Variants in KIAA1328 observed in about 807,000 individuals in gnomAD.
The protein encoded by KIAA1328 is protein hinderin.
KIAA1328 carries 52 observed loss-of-function variants against 68.1 expected under a neutral mutation model. The ratio of observed to expected loss-of-function variants is 0.76; its 90% CI spans 0.61 to 0.96. The LOEUF is 0.96. Ranked by LOEUF, KIAA1328 falls within the 40% of genes least tolerant of loss-of-function variation. The pLI is 0.00. For synonymous variants in KIAA1328, 232 were observed against 239.4 expected, an observed-to-expected ratio of 0.97 and a Z score of 0.28; for missense variants, 641 against 677.6, an observed-to-expected ratio of 0.95 and a Z score of 0.60.
At chr18:37,169,306 C>T (rs1369128651) in intron 8 of KIAA1328, among the ~76,000 whole-genome samples, 3 of 151,904 alleles carry the variant, frequency 2.0e-5, no homozygotes, top group African/African-American at 7.3e-5. Flanking sequence ...ACTGGGATTA[C>T]AGGTGTCTGC....
At chr18:36,858,324 T>G (rs2047447110) in intron 4 of KIAA1328, among the ~76,000 whole-genome samples, 1 of 152,216 alleles carries the variant, frequency 6.6e-6, no homozygotes, top group African/African-American at 2.4e-5. Context: ...CAGCTTTCTT[T>G]AAAATTAGCA....
intron 5 of KIAA1328, among the ~76,000 whole-genome samples, chr18:36,917,854 T>G (rs1163909319): frequency 6.6e-6 from 1 of 152,162 alleles, no homozygotes; most frequent in Non-Finnish European, 1.5e-5. Flanking sequence ...AGGCCTACAC[T>G]CAGGCAAAAA....
intron 4 of KIAA1328, among the ~76,000 whole-genome samples, chr18:36,868,330 G>A (rs1173740704): frequency 6.6e-6 from 1 of 152,164 alleles, no homozygotes; most frequent in Non-Finnish European, 1.5e-5. Flanking sequence ...GAGGTATTAG[G>A]ATAGAAAGAA....
chr18:36,870,700 T>G (rs781132820), intron 4 of KIAA1328, among the ~76,000 whole-genome samples: 5 of 152,236 alleles, frequency 3.3e-5, no homozygotes, highest in Non-Finnish European at 7.3e-5. Flanking sequence ...GGTGCAGTAT[T>G]ATTAACTAAA....
intron 4 of KIAA1328, among the ~76,000 whole-genome samples, chr18:36,860,059 T>C (rs574566150): frequency 6.6e-6 from 1 of 152,268 alleles, no homozygotes; most frequent in South Asian, 2.1e-4. Context: ...ATTTAAATGC[T>C]TAATTCTTAA....
chr18:36,965,167 T>C (rs910827145), intron 6 of KIAA1328, among the ~76,000 whole-genome samples: 1 of 152,180 alleles, frequency 6.6e-6, no homozygotes, highest in Non-Finnish European at 1.5e-5. Context: ...AGGATTTCTT[T>C]TATTTCCTTA....
At position 37,067,049 on chromosome 18, in the gene KIAA1328, T is replaced by G; in HGVS notation, c.736T>G (p.Ser246Ala). Residue 246 changes from serine (S) to alanine (A), a missense_variant, in exon 7 of 10, where the codon TCT becomes GCT. Transcript: ENST00000280020. Reference protein sequence around the residue: ...SESLIAFRNNSLKPVTLHHPK... With the variant: ...SESLIAFRNNALKPVTLHHPK... The stretch of plus-strand genomic sequence containing the variant: ...ATCCCTTATAGCATTTAGGAATAAT[T>G]CTTTGAAACCAGTAACCCTTCATCA... The G allele has an allele frequency of 6.2e-7, 1 of 1,613,984 alleles. No individual in the cohort carries two copies. Among genetic ancestry groups the G allele is most frequent in the Non-Finnish European group, 8.5e-7 (1 of 1,179,886 alleles).
intron 6 of KIAA1328, among the ~76,000 whole-genome samples, chr18:36,966,936 G>A (rs2051964317): frequency 1.3e-5 from 2 of 152,176 alleles, no homozygotes; most frequent in South Asian, 2.1e-4. Context: ...TTATATGGAA[G>A]TGCAAAGGAG....
At chr18:36,926,430 A>G (rs1019730038) in intron 5 of KIAA1328, among the ~76,000 whole-genome samples, 5 of 150,852 alleles carry the variant, frequency 3.3e-5, no homozygotes, top group African/African-American at 9.9e-5. Flanking sequence ...TTTGGAAAGA[A>G]CACCACAGAG....
At chr18:37,148,726 T>C (rs370883569) in intron 7 of KIAA1328, among the ~76,000 whole-genome samples, 2 of 152,200 alleles carry the variant, frequency 1.3e-5, no homozygotes, top group Non-Finnish European at 2.9e-5. Context: ...ATCAGTGATG[T>C]TGAGTTTGTT....
chr18:37,125,138 G>A (rs2058361289), intron 7 of KIAA1328, among the ~76,000 whole-genome samples: 1 of 152,018 alleles, frequency 6.6e-6, no homozygotes, highest in Non-Finnish European at 1.5e-5. Flanking sequence ...GACCAGCCTG[G>A]GCAACATGGT....
intron 6 of KIAA1328, among the ~76,000 whole-genome samples, chr18:36,976,479 AC>A (rs1269457152): frequency 7.9e-5 from 12 of 152,186 alleles, no homozygotes; most frequent in African/African-American, 2.7e-4. Context: ...ACAGGTTACA[AC>A]AGTAGCCACC....
At chr18:36,899,951 G>T (rs1232731956) in intron 5 of KIAA1328, among the ~76,000 whole-genome samples, 5 of 151,834 alleles carry the variant, frequency 3.3e-5, no homozygotes, top group Admixed American at 6.6e-5. Context: ...TTTAATGCTT[G>T]TTCTTAAAAA....
intron 5 of KIAA1328, among the ~76,000 whole-genome samples, chr18:36,950,330 T>A (rs907664808): frequency 3.3e-5 from 5 of 152,192 alleles, no homozygotes; most frequent in African/African-American, 1.2e-4. Context: ...TATTTATGGT[T>A]TGTTTCCATT....
intron 4 of KIAA1328, among the ~76,000 whole-genome samples, chr18:36,875,515 T>C (rs2048090936): frequency 6.6e-6 from 1 of 152,246 alleles, no homozygotes; most frequent in Admixed American, 6.5e-5. Flanking sequence ...CACATTGGTT[T>C]TGTATCCTGA....
intron 9 of KIAA1328, among the ~76,000 whole-genome samples, chr18:37,206,380 C>A (rs1456860233): frequency 6.6e-6 from 1 of 152,144 alleles, no homozygotes; most frequent in Non-Finnish European, 1.5e-5. Flanking sequence ...CTATGAGGAA[C>A]ATATCTGTTC....
At chr18:36,837,677 T>C (rs1038085422) in intron 3 of KIAA1328, among the ~76,000 whole-genome samples, 6 of 152,222 alleles carry the variant, frequency 3.9e-5, no homozygotes, top group Non-Finnish European at 8.8e-5. Flanking sequence ...AGGTCACAAA[T>C]ATTTGTGCCT....
At chr18:37,225,416 A>C (rs928224200), downstream of KIAA1328, 7 of 566,778 alleles carry the variant, frequency 1.2e-5, no homozygotes, top group Non-Finnish European at 1.6e-5. Flanking sequence ...GCAGACCTGC[A>C]GGTTATCAAA....
chr18:37,096,821 C>G (rs2057423776), intron 7 of KIAA1328, among the ~76,000 whole-genome samples: 1 of 152,106 alleles, frequency 6.6e-6, no homozygotes, highest in Non-Finnish European at 1.5e-5. Flanking sequence ...TCTCTGATGG[C>G]CAGTGATGAT....
Sources: gnomAD v4.1 joint callset for allele counts (sites outside exome capture counted in the v4.1 genomes callset) on GRCh38, gnomAD v4.1.1 for gene constraint, MANE v1.5 for transcripts, NCBI Gene and HGNC (gene_info 2026-07-23, HGNC 2026-07-21) for gene names.